The following RBFOX1 variants were observed in gnomAD, a reference collection of about 807,000 sequenced individuals.
RBFOX1 encodes the protein RNA binding protein fox-1 homolog 1.
RBFOX1 carries 8 observed loss-of-function variants against 57.7 expected under a neutral mutation model. The observed-to-expected ratio is 0.14, with a 90% confidence interval of 0.08 to 0.25. The LOEUF (loss-of-function observed/expected upper bound fraction) is 0.25, where lower values mean the gene tolerates loss of function less well. Ranked by LOEUF, RBFOX1 falls within the 10% of genes least tolerant of loss-of-function variation. RBFOX1 has a pLI of 1.00. For missense variants in RBFOX1, 611 were observed against 548.5 expected, an observed-to-expected ratio of 1.11 and a Z score of -1.14; for synonymous variants, 326 against 222.4, an observed-to-expected ratio of 1.47 and a Z score of -4.15.
In RBFOX1 at chr16:6,432,614, G is replaced by A. The variant is rs552854417; in HGVS notation, c.-64+115557G>A. Among the ~76,000 whole-genome samples the A allele has an allele frequency of 4.6e-5, 7 of 152,116 alleles. No individual in the cohort carries two copies. In the East Asian group the frequency reaches 5.8e-4, roughly 13 times the overall value. On this transcript the variant is annotated intron_variant, in intron 2 of 15. Coordinates refer to ENST00000550418, the MANE Select transcript of RBFOX1 (RefSeq NM_018723.4). ...CAAGAATTGCCTGAACCCAGGAGGC[G>A]GAGGTTGCAGTGAGCCGAGATCGCA...
chr16:6,824,769 A>G (rs192463230), intron 3 of RBFOX1, among the ~76,000 whole-genome samples: 57 of 152,192 alleles, frequency 3.7e-4, no homozygotes, highest in African/African-American at 1.3e-3. Flanking sequence ...TTTCTGGAAG[A>G]AAACATTTAA....
chr16:6,798,799 A>T (rs1474152209), intron 3 of RBFOX1, among the ~76,000 whole-genome samples: 1 of 152,204 alleles, frequency 6.6e-6, no homozygotes, highest in African/African-American at 2.4e-5. Flanking sequence ...ACCATAGTTT[A>T]TTGAGCATCT....
At chr16:6,882,932 C>G (rs1055058701) in intron 3 of RBFOX1, among the ~76,000 whole-genome samples, 2 of 152,134 alleles carry the variant, frequency 1.3e-5, no homozygotes, top group Non-Finnish European at 2.9e-5. Context: ...ATCAGGATGT[C>G]TTAGGCGGCT....
chr16:6,876,560 T>C (rs1315790989), intron 3 of RBFOX1, among the ~76,000 whole-genome samples: 1 of 152,170 alleles, frequency 6.6e-6, no homozygotes, highest in East Asian at 1.9e-4. Context: ...GTCACTTCTA[T>C]AAAAATTAAT....
In RBFOX1 at chr16:6,887,812, G is replaced by A. The variant is rs1370547100; in HGVS notation, c.-15-164245G>A. On this transcript the variant is annotated intron_variant, in intron 3 of 15. Transcript: ENST00000550418. Reference sequence around the variant, plus strand: ...TGAGTAGCTGGGTTTACAGGCACTCGTCACCACACCTGGCTAATTTTTATA... The same window carrying A: ...TGAGTAGCTGGGTTTACAGGCACTCATCACCACACCTGGCTAATTTTTATA... Among the ~76,000 whole-genome samples the A allele has an allele frequency of 4.0e-5, 6 of 151,832 alleles. No individual in the cohort carries two copies. The East Asian group carries it at 7.8e-4, about 20-fold the overall frequency.
chr16:7,340,875 G>T (rs774254692), intron 4 of RBFOX1, among the ~76,000 whole-genome samples: 14 of 152,120 alleles, frequency 9.2e-5, no homozygotes, highest in South Asian at 2.1e-4. Context: ...TCTTGCTGCA[G>T]CAGCCATCTG....
At chr16:6,735,148 C>T in intron 3 of RBFOX1, among the ~76,000 whole-genome samples, 1 of 150,614 alleles carries the variant, frequency 6.6e-6, no homozygotes, top group Admixed American at 6.6e-5. Flanking sequence ...GACCCTGTCT[C>T]AACAAAAACA....
chr16:7,673,396 C>T (rs1392778552), intron 13 of RBFOX1, among the ~76,000 whole-genome samples: 2 of 152,106 alleles, frequency 1.3e-5, no homozygotes, highest in Admixed American at 6.5e-5. Flanking sequence ...ATTAATACCC[C>T]ACAAGCATAA....
chr16:6,853,822 A>G (rs1173937695), intron 3 of RBFOX1, among the ~76,000 whole-genome samples: 1 of 152,182 alleles, frequency 6.6e-6, no homozygotes, highest in African/African-American at 2.4e-5. Flanking sequence ...TCCCCAACGG[A>G]TGACTGACAT....
chr16:5,855,777 A>T (rs1308609534), intron 3 of RBFOX1, among the ~76,000 whole-genome samples: 1 of 151,966 alleles, frequency 6.6e-6, no homozygotes, highest in Non-Finnish European at 1.5e-5. Context: ...TGGAATTTTG[A>T]TAGGGATCAT....
chr16:5,707,398 G>A (rs1005320305), intron 3 of RBFOX1, among the ~76,000 whole-genome samples: 4 of 152,222 alleles, frequency 2.6e-5, no homozygotes, highest in Non-Finnish European at 5.9e-5. Flanking sequence ...GAGCTGAAGT[G>A]TCTTGTGCTA....
intron 2 of RBFOX1, among the ~76,000 whole-genome samples, chr16:6,390,092 C>T (rs568539415): frequency 5.9e-5 from 9 of 152,288 alleles, no homozygotes; most frequent in South Asian, 2.1e-4. Context: ...AGCTGAAAGC[C>T]GTGTCTGCAC....
At chr16:7,059,540 C>A (rs1340270480) in intron 4 of RBFOX1, among the ~76,000 whole-genome samples, 2 of 152,104 alleles carry the variant, frequency 1.3e-5, no homozygotes. Flanking sequence ...TCATTGACAA[C>A]CATTGGCAAA....
intron 3 of RBFOX1, among the ~76,000 whole-genome samples, chr16:6,684,358 G>T (rs1021878056): frequency 6.6e-6 from 1 of 152,170 alleles, no homozygotes; most frequent in Non-Finnish European, 1.5e-5. Flanking sequence ...TTTTGATTTT[G>T]TAATTTTCCT....
At chr16:6,425,814 C>A (rs1442413955) in intron 2 of RBFOX1, among the ~76,000 whole-genome samples, 1 of 151,978 alleles carries the variant, frequency 6.6e-6, no homozygotes, top group Non-Finnish European at 1.5e-5. Flanking sequence ...GTTTAATCAC[C>A]ATTACTCTTT....
intron 3 of RBFOX1, among the ~76,000 whole-genome samples, chr16:6,759,850 AC>A (rs1206206833): frequency 6.6e-6 from 1 of 152,190 alleles, no homozygotes; most frequent in Middle Eastern, 3.2e-3. Flanking sequence ...GTGGAAAATT[AC>A]CCAAATGGCC....
At chr16:7,364,581 A>G (rs1052173589) in intron 4 of RBFOX1, among the ~76,000 whole-genome samples, 6 of 150,510 alleles carry the variant, frequency 4.0e-5, no homozygotes, top group African/African-American at 1.5e-4. Flanking sequence ...AGACCAAAAA[A>G]AAAAAAAACA....
At chr16:6,905,552 C>CA (rs55769867) in intron 3 of RBFOX1, among the ~76,000 whole-genome samples, 71,234 of 143,104 alleles carry the variant, frequency 0.5, 17,727 homozygotes, top group African/African-American at 0.59. Flanking sequence ...GACTCCATCT[C>CA]AAAAAAAAAA....
chr16:5,624,971 G>C (rs758453), intron 3 of RBFOX1, among the ~76,000 whole-genome samples: 1 of 152,134 alleles, frequency 6.6e-6, no homozygotes, highest in Non-Finnish European at 1.5e-5. Flanking sequence ...ATTTGGGGCC[G>C]TGTGATTGAG....
Sources: allele counts gnomAD v4.1 joint callset (sites outside exome capture counted in the v4.1 genomes callset), GRCh38; gene constraint gnomAD v4.1.1; transcripts MANE v1.5; gene names NCBI Gene and HGNC (gene_info 2026-07-23, HGNC 2026-07-21).